KALRN: variants seen among roughly 807,000 people sequenced by gnomAD.
KALRN encodes the protein kalirin RhoGEF kinase.
KALRN carries 70 observed loss-of-function variants against 353.7 expected under a neutral mutation model. The ratio of observed to expected loss-of-function variants is 0.20; its 90% CI spans 0.16 to 0.24. The LOEUF (loss-of-function observed/expected upper bound fraction) is 0.24, where lower values mean the gene tolerates loss of function less well. KALRN is among the 10% of genes least tolerant of loss of function. The pLI, the probability that KALRN is intolerant of heterozygous loss-of-function variation, is 1.00. For missense variants in KALRN, 2,791 were observed against 3,756.7 expected, an observed-to-expected ratio of 0.74 and a Z score of 6.72; for synonymous variants, 1,391 against 1,434.8, an observed-to-expected ratio of 0.97 and a Z score of 0.69.
intron 33 of KALRN, among the ~76,000 whole-genome samples, chr3:124,547,129 A>G (rs2069776270): frequency 6.6e-6 from 1 of 151,832 alleles, no homozygotes; most frequent in African/African-American, 2.4e-5. Flanking sequence ...TCTTTTTTAA[A>G]TTCCATTTTA....
chr3:124,547,303 A>G (rs1458469494), intron 33 of KALRN, among the ~76,000 whole-genome samples: 4 of 149,558 alleles, frequency 2.7e-5, no homozygotes, highest in African/African-American at 7.4e-5. Flanking sequence ...CCAGGCCAAA[A>G]TAATTTTTAT....
intron 33 of KALRN, among the ~76,000 whole-genome samples, chr3:124,545,629 C>T (rs1345162536): frequency 3.9e-5 from 6 of 152,160 alleles, no homozygotes. Context: ...GTCTCAACAA[C>T]CTCAACCCAG....
intron 1 of KALRN, among the ~76,000 whole-genome samples, chr3:124,204,222 A>G (rs377481828): frequency 6.6e-6 from 1 of 152,248 alleles, no homozygotes; most frequent in African/African-American, 2.4e-5. Flanking sequence ...TGCTTTTATG[A>G]GTCTGTTCAT....
At chr3:124,520,737 A>G (rs2067094967) in intron 33 of KALRN, among the ~76,000 whole-genome samples, 1 of 152,218 alleles carries the variant, frequency 6.6e-6, no homozygotes, top group African/African-American at 2.4e-5. Context: ...GCTTCATAAA[A>G]GGAAGGGGAG....
intron 1 of KALRN, among the ~76,000 whole-genome samples, chr3:124,099,718 G>A (rs920384367): frequency 6.6e-6 from 1 of 152,050 alleles, no homozygotes. Flanking sequence ...ATCCTCACCA[G>A]CATCTTTTAT....
Position 124,422,972 on chromosome 3 carries a change from C to A in KALRN, c.2703C>A (p.Val901=), listed in dbSNP as rs1226811645. The part of the protein sequence containing the change: ...CLQLRHLQAE[V]KQVLGWIRNG... ...AATTACGTCACCTCCAGGCTGAAGTCAAACAGGTAAGCCCAGCCCTTCTTC... is the reference window on the plus strand; with the variant it reads ...AATTACGTCACCTCCAGGCTGAAGTAAAACAGGTAAGCCCAGCCCTTCTTC... Residue 901 remains valine, a synonymous_variant, in exon 15 of 60, where the codon GTC becomes GTA. Coordinates refer to ENST00000682506, the MANE Select transcript of KALRN (RefSeq NM_001388419.1). 6.2e-7 allele frequency: 1 copy of A among 1,613,472 alleles called. No individual in the cohort carries two copies. Among genetic ancestry groups the A allele is most frequent in the South Asian group, 1.1e-5 (1 of 90,980 alleles).
chr3:124,366,876 C>A (rs2084814010), intron 10 of KALRN, among the ~76,000 whole-genome samples: 1 of 129,332 alleles, frequency 7.7e-6, no homozygotes, highest in Non-Finnish European at 1.6e-5. Context: ...GCTGGCCGGG[C>A]GGGGGGCTGA....
intron 1 of KALRN, among the ~76,000 whole-genome samples, chr3:124,112,138 A>G (rs965110504): frequency 1.3e-5 from 2 of 152,030 alleles, no homozygotes; most frequent in Non-Finnish European, 2.9e-5. Flanking sequence ...CCTTGCCTCT[A>G]CCAAAAACAC....
At chr3:124,196,542 CTTTCT>C (rs147458617) in intron 1 of KALRN, among the ~76,000 whole-genome samples, 5,122 of 152,198 alleles carry the variant, frequency 0.034, 259 homozygotes, top group African/African-American at 0.12. Flanking sequence ...TGAAGTTGGT[CTTTCT>C]TTTCTTCATT....
intron 1 of KALRN, among the ~76,000 whole-genome samples, chr3:124,198,728 G>A (rs940926920): frequency 9.9e-5 from 15 of 152,134 alleles, no homozygotes; most frequent in African/African-American, 3.4e-4. Context: ...TGCAATTTAC[G>A]AAGACAAAAG....
At chr3:124,517,540 G>T (rs1231910554) in intron 33 of KALRN, among the ~76,000 whole-genome samples, 1 of 152,180 alleles carries the variant, frequency 6.6e-6, no homozygotes, top group Non-Finnish European at 1.5e-5. Context: ...TCTTCCAAGA[G>T]CATTACAAGT....
intron 9 of KALRN, among the ~76,000 whole-genome samples, chr3:124,336,941 T>C (rs546573015): frequency 6.6e-6 from 1 of 152,164 alleles, no homozygotes. Flanking sequence ...CTCTCTATTA[T>C]TGGTTTACAG....
At chr3:124,563,568 T>A (rs1352873956) in intron 34 of KALRN, among the ~76,000 whole-genome samples, 1 of 152,200 alleles carries the variant, frequency 6.6e-6, no homozygotes, top group East Asian at 1.9e-4. Flanking sequence ...TCAGATCTGA[T>A]CCTTCCCTCA....
At chr3:124,164,790 A>G (rs1284800033) in intron 1 of KALRN, 3 of 152,224 alleles carry the variant, frequency 2.0e-5, no homozygotes, top group African/African-American at 7.2e-5. Context: ...TTAATATTGT[A>G]GAAAATGTCC....
At chr3:124,392,029 G>C (rs115298570) in intron 11 of KALRN, among the ~76,000 whole-genome samples, 14 of 152,154 alleles carry the variant, frequency 9.2e-5, no homozygotes, top group African/African-American at 3.1e-4. Flanking sequence ...GAGATGGCTT[G>C]CAACAAAAAT....
rs1311325079 is a variant in KALRN at position 124,310,988 on chromosome 3, A to G, written c.1092+12075A>G. 3.9e-5 allele frequency among the ~76,000 whole-genome samples: 6 copies of G among 151,980 alleles called. No homozygotes were observed. In the South Asian group the frequency reaches 1.0e-3, roughly 26 times the overall value. ...TCTTCAATAATATATACAGATGGTCATAAGCACATGAAAAGATGCTTGACA... is the reference window on the plus strand; with the variant it reads ...TCTTCAATAATATATACAGATGGTCGTAAGCACATGAAAAGATGCTTGACA... On this transcript the variant is annotated intron_variant, in intron 6 of 59. Coordinates refer to ENST00000682506, the MANE Select transcript of KALRN (RefSeq NM_001388419.1).
chr3:124,115,072 G>C (rs537878121), intron 1 of KALRN, among the ~76,000 whole-genome samples: 208 of 152,304 alleles, frequency 1.4e-3, no homozygotes, highest in South Asian at 2.5e-3. Flanking sequence ...CTGTGGATTT[G>C]ATCTTGAAAG....
intron 1 of KALRN, among the ~76,000 whole-genome samples, chr3:124,160,500 A>G (rs1366433148): frequency 6.6e-6 from 1 of 152,142 alleles, no homozygotes; most frequent in African/African-American, 2.4e-5. Context: ...GTGAGTGAAA[A>G]GAGAAGAGAA....
chr3:124,122,905 T>A (rs935110859), intron 1 of KALRN, among the ~76,000 whole-genome samples: 1 of 152,116 alleles, frequency 6.6e-6, no homozygotes, highest in Non-Finnish European at 1.5e-5. Context: ...GAAGGCATGT[T>A]AAAGGCTAAG....
Sources: gnomAD v4.1 joint callset for allele counts (sites outside exome capture counted in the v4.1 genomes callset) on GRCh38, gnomAD v4.1.1 for gene constraint, MANE v1.5 for transcripts, NCBI Gene and HGNC (gene_info 2026-07-23, HGNC 2026-07-21) for gene names.